CTNNA3: variants seen among roughly 807,000 people sequenced by gnomAD.
CTNNA3 encodes the protein catenin alpha-3.
A neutral mutation model predicts 95.7 loss-of-function variants in CTNNA3; 76 were observed. The observed-to-expected ratio is 0.79, with a 90% CI of 0.66 to 0.96. The LOEUF (loss-of-function observed/expected upper bound fraction) is 0.96, where lower values mean the gene tolerates loss of function less well. Ranked by LOEUF, CTNNA3 falls within the 40% of genes least tolerant of loss-of-function variation. The pLI is 0.00. For synonymous variants in CTNNA3, 431 were observed against 374.4 expected (o/e 1.15, Z -1.74); for missense variants, 1,191 against 1,089.8 (o/e 1.09, Z -1.31).
intron 5 of CTNNA3, among the ~76,000 whole-genome samples, chr10:67,445,098 C>T (rs1487043336): frequency 6.6e-6 from 1 of 151,586 alleles, no homozygotes; most frequent in African/African-American, 2.4e-5. Context: ...TTCCATGAGG[C>T]GAGTATTACC....
intron 5 of CTNNA3, among the ~76,000 whole-genome samples, chr10:67,255,409 C>T (rs1175914920): frequency 6.6e-6 from 1 of 152,058 alleles, no homozygotes; most frequent in Non-Finnish European, 1.5e-5. Flanking sequence ...AAATAATATG[C>T]AGAAGGAAAA....
At chr10:66,529,066 TC>T (rs1441900031) in intron 10 of CTNNA3, among the ~76,000 whole-genome samples, 2 of 152,118 alleles carry the variant, frequency 1.3e-5, no homozygotes, top group African/African-American at 4.8e-5. Flanking sequence ...CTTAAGGCCC[TC>T]AAAACTCTGT....
chr10:66,683,271 G>C (rs898409680), intron 9 of CTNNA3, among the ~76,000 whole-genome samples: 1 of 152,030 alleles, frequency 6.6e-6, no homozygotes, highest in Non-Finnish European at 1.5e-5. Context: ...ATAGTCTTTG[G>C]GAATAAAGCT....
Position 66,957,413 on chromosome 10 carries a change from TGC to T in CTNNA3, c.1048-181891_1048-181890del, listed in dbSNP as rs1394422786. ...ATATACATATATATATATATATATA[TGC>T]ATATATATATATGCATATATATATA... On this transcript the variant is annotated intron_variant, in intron 7 of 17. Coordinates refer to ENST00000433211, the MANE Select transcript of CTNNA3 (RefSeq NM_013266.4). 0.016 allele frequency among the ~76,000 whole-genome samples: 483 copies of T among 29,820 alleles called. 41 individuals carry two copies. The East Asian group carries it at 0.18, about 11-fold the overall frequency. The allele number at this position is 29,820 out of a possible 152,430, so 19.6% of individuals were successfully genotyped here.
Position 66,077,737 on chromosome 10 carries a change from C to A in CTNNA3, c.1978-8248G>T, listed in dbSNP as rs531293584. Among the ~76,000 whole-genome samples, 3 of 151,700 alleles carry A rather than the reference C, an allele frequency of 2.0e-5. No homozygotes were observed. The East Asian group carries it at 5.8e-4, about 29-fold the overall frequency. ...ACAAGATGCTGATGTGAGCAGGTAT[C>A]AAGAAAGCTGACGTGAATATCCTCA... On this transcript the variant is annotated intron_variant, in intron 14 of 17. Transcript: ENST00000433211.
chr10:67,077,685 T>G (rs1050797266), intron 7 of CTNNA3, among the ~76,000 whole-genome samples: 5 of 152,200 alleles, frequency 3.3e-5, no homozygotes, highest in Non-Finnish European at 7.3e-5. Context: ...TGTAATCTTA[T>G]ATTTGTATAA....
rs74200450 is a variant in CTNNA3, at chr10:67,563,385, A to G, written c.293-23716T>C. 0.029 allele frequency among the ~76,000 whole-genome samples: 4,450 copies of G among 152,330 alleles called. 454 individuals carry two copies. In the East Asian group the frequency reaches 0.37, roughly 13 times the overall value. On this transcript the variant is annotated intron_variant, in intron 3 of 17. Coordinates refer to ENST00000433211, the MANE Select transcript of CTNNA3 (RefSeq NM_013266.4). ...TTGACAAACCTGAGAAAAACTAGAA[A>G]TGAGGAAAGGATTCCCTATTTAATA...
chr10:65,924,091 T>C (rs1256070240), intron 17 of CTNNA3, among the ~76,000 whole-genome samples: 3 of 152,204 alleles, frequency 2.0e-5, no homozygotes, highest in Non-Finnish European at 4.4e-5. Context: ...TTAGCTATCC[T>C]TCAACCATGT....
rs576923958 is a variant in CTNNA3, at chr10:67,238,440, TA to T, written c.580-18571del. Among the ~76,000 whole-genome samples, 506 of 140,032 alleles carry T rather than the reference TA, an allele frequency of 3.6e-3. 2 individuals carry two copies. The highest frequency in any genetic ancestry group is 6.9e-3 in the African/African-American group (267 of 38,812). 91.9% of individuals were successfully genotyped at this position (140,032 alleles called of 152,430 possible). Reference sequence around the variant, plus strand: ...AGAAGGGTATCAGCAAATACTAAACTAAAAAAAAAAAAATTCAATTAAAAAT... The same window carrying T: ...AGAAGGGTATCAGCAAATACTAAACTAAAAAAAAAAAATTCAATTAAAAAT... On this transcript the variant is annotated intron_variant, in intron 5 of 17. Transcript: ENST00000433211.
chr10:67,140,126 C>G (rs1176736074), intron 7 of CTNNA3, among the ~76,000 whole-genome samples: 3 of 152,096 alleles, frequency 2.0e-5, no homozygotes, highest in Non-Finnish European at 4.4e-5. Context: ...TCCCTTATTT[C>G]TAGCCTAATA....
chr10:66,219,479 G>C (rs1353580618), intron 13 of CTNNA3, among the ~76,000 whole-genome samples: 1 of 152,004 alleles, frequency 6.6e-6, no homozygotes, highest in African/African-American at 2.4e-5. Context: ...GAAAATTGTG[G>C]CTTCCGTTTT....
rs79057955 is a variant in CTNNA3, at chr10:66,221,682, C to T, written c.1884+58788G>A. Among the ~76,000 whole-genome samples the T allele has an allele frequency of 8.4e-3, 1,283 of 152,250 alleles. 22 individuals carry two copies. The highest frequency in any genetic ancestry group is 0.028 in the African/African-American group (1,165 of 41,548). On this transcript the variant is annotated intron_variant, in intron 13 of 17. Coordinates refer to ENST00000433211, the MANE Select transcript of CTNNA3 (RefSeq NM_013266.4). ...AGAACATACTTCCATTTAACAATGA[C>T]AAGAACAACAAAATGCTAGATGAAT...
intron 7 of CTNNA3, among the ~76,000 whole-genome samples, chr10:66,808,511 A>C (rs930509393): frequency 2.0e-5 from 3 of 152,192 alleles, no homozygotes; most frequent in African/African-American, 7.2e-5. Flanking sequence ...CAGTTACTCA[A>C]AAAGTTAAAC....
chr10:67,704,767 A>G (rs1185341869), intron 1 of CTNNA3, among the ~76,000 whole-genome samples: 3 of 152,210 alleles, frequency 2.0e-5, no homozygotes, highest in Non-Finnish European at 4.4e-5. Context: ...AAAAGCCAAA[A>G]TTGACAAATG....
rs201064308 is a variant in CTNNA3, at chr10:67,306,780, A to AT, written c.580-86911dup. Among the ~76,000 whole-genome samples the AT allele has an allele frequency of 3.9e-3, 594 of 151,830 alleles. 5 individuals carry two copies. The highest frequency in any genetic ancestry group is 9.3e-3 in the African/African-American group (384 of 41,196). On this transcript the variant is annotated intron_variant, in intron 5 of 17. Coordinates refer to ENST00000433211, the MANE Select transcript of CTNNA3 (RefSeq NM_013266.4). Reference sequence around the variant, plus strand: ...CCTCTCTAGAGCCCTCTGCTGGTGGATTTTTTTAAAAAAAAATACAAGGAT... The same window carrying AT: ...CCTCTCTAGAGCCCTCTGCTGGTGGATTTTTTTTAAAAAAAAATACAAGGAT...
chr10:66,673,907 T>A (rs1402406790), intron 9 of CTNNA3, among the ~76,000 whole-genome samples: 2 of 152,054 alleles, frequency 1.3e-5, no homozygotes, highest in Non-Finnish European at 2.9e-5. Flanking sequence ...ATTTTTACAT[T>A]CTACCAGGAA....
intron 12 of CTNNA3, among the ~76,000 whole-genome samples, chr10:66,313,772 C>A (rs2092059124): frequency 6.6e-6 from 1 of 152,124 alleles, no homozygotes; most frequent in Non-Finnish European, 1.5e-5. Flanking sequence ...TGAATATATG[C>A]AGTAAAGCGT....
chr10:66,612,094 A>G (rs867783685), intron 10 of CTNNA3, among the ~76,000 whole-genome samples: 53 of 152,158 alleles, frequency 3.5e-4, no homozygotes, highest in Middle Eastern at 3.2e-3. Context: ...TTTCCCAGGT[A>G]CTAGGCTATA....
chr10:66,882,487 TAC>T (rs1844886257), intron 7 of CTNNA3, among the ~76,000 whole-genome samples: 1 of 152,114 alleles, frequency 6.6e-6, no homozygotes, highest in South Asian at 2.1e-4. Flanking sequence ...CCATTGCCAA[TAC>T]ACAGTCCAGT....
Sources: gnomAD v4.1 joint callset for allele counts (sites outside exome capture counted in the v4.1 genomes callset) on GRCh38, gnomAD v4.1.1 for gene constraint, MANE v1.5 for transcripts, NCBI Gene and HGNC (gene_info 2026-07-23, HGNC 2026-07-21) for gene names.